Variants in MAPK10 observed in about 807,000 individuals in gnomAD.
The protein encoded by MAPK10 is JNK3 alpha protein kinase.
MAPK10 carries 25 observed loss-of-function variants against 59.3 expected under a neutral mutation model. The observed-to-expected ratio is 0.42, with a 90% CI of 0.31 to 0.59. The LOEUF is 0.59. Ranked by LOEUF, MAPK10 falls within the 20% of genes least tolerant of loss-of-function variation. MAPK10 has a pLI of 0.15. For synonymous variants in MAPK10, 190 were observed against 200.5 expected (o/e 0.95, Z 0.44); for missense variants, 351 against 568.9 (o/e 0.62, Z 3.90).
At chr4:86,521,735 A>G (rs541417450) in intron 1 of MAPK10, among the ~76,000 whole-genome samples, 1 of 152,200 alleles carries the variant, frequency 6.6e-6, no homozygotes, top group African/African-American at 2.4e-5. Flanking sequence ...CCACTGAGAA[A>G]GCACACAGGG....
intron 6 of MAPK10, 111 bp downstream of exon 6, chr4:86,103,075 C>CTGTGTGTGTGTGTGTGTGTG (rs10681488): frequency 1.1e-4 from 57 of 498,788 alleles, no homozygotes; most frequent in African/African-American, 2.5e-4. Context: ...GATTTCAACT[C>CTGTGTGTGTGTGTGTGTGTG]TGTGTGTGTG....
chr4:86,412,817 G>T (rs745531532), intron 1 of MAPK10, among the ~76,000 whole-genome samples: 1 of 152,062 alleles, frequency 6.6e-6, no homozygotes. Flanking sequence ...TTTCTTCAAG[G>T]TTTTTAGCTT....
At chr4:86,230,538 T>A (rs986385982) in intron 2 of MAPK10, among the ~76,000 whole-genome samples, 5 of 152,234 alleles carry the variant, frequency 3.3e-5, no homozygotes, top group African/African-American at 1.2e-4. Context: ...ACCATGAGGA[T>A]AAATTTCTGG....
At position 86,444,387 on chromosome 4, in the gene MAPK10, C is replaced by A. The variant is rs542549978; in HGVS notation, c.-122+8643G>T. On this transcript the variant is annotated intron_variant, in intron 1 of 13. Coordinates refer to the MAPK10 transcript ENST00000361569. ...ACATATTCAAAAAATTGAAACTGGA[C>A]CCCTTCCTTACACATTTTACAAAAA... 1.5e-4 allele frequency among the ~76,000 whole-genome samples: 23 copies of A among 152,186 alleles called. No individual in the cohort carries two copies. In the South Asian group the frequency reaches 4.1e-3, roughly 27 times the overall value.
chr4:86,401,829 G>C (rs1279805850), intron 1 of MAPK10, among the ~76,000 whole-genome samples: 2 of 152,146 alleles, frequency 1.3e-5, no homozygotes, highest in Non-Finnish European at 2.9e-5. Flanking sequence ...TTCCCAAAGA[G>C]AGAACCACTG....
intron 1 of MAPK10, among the ~76,000 whole-genome samples, chr4:86,529,727 A>G (rs1757726452): frequency 6.6e-6 from 1 of 152,088 alleles, no homozygotes; most frequent in African/African-American, 2.4e-5. Flanking sequence ...CAATTCCCTA[A>G]CTAGGGGCAT....
intron 2 of MAPK10, among the ~76,000 whole-genome samples, chr4:86,215,867 G>T (rs1002447827): frequency 6.6e-6 from 1 of 152,054 alleles, no homozygotes; most frequent in African/African-American, 2.4e-5. Flanking sequence ...ATCTCAAAAA[G>T]AAAAACTATT....
In MAPK10 at chr4:86,431,885, T is replaced by C. The variant is rs576512291; in HGVS notation, c.-122+21145A>G. ...GATCCGAGGGTGGAGTTTTCAGCCC[T>C]ATGATGTCAAAAGGTGAAGCAGAGG... On this transcript the variant is annotated intron_variant, in intron 1 of 13. Coordinates refer to the MAPK10 transcript ENST00000361569. Among the ~76,000 whole-genome samples the C allele has an allele frequency of 4.6e-5, 7 of 152,322 alleles. No homozygotes were observed. The South Asian group carries it at 1.5e-3, about 32-fold the overall frequency.
At chr4:86,129,052 A>G (rs948883597) in intron 4 of MAPK10, among the ~76,000 whole-genome samples, 9 of 152,132 alleles carry the variant, frequency 5.9e-5, no homozygotes, top group Non-Finnish European at 5.9e-5. Context: ...GTTAAATAAT[A>G]TTTATTTAGA....
intron 1 of MAPK10, among the ~76,000 whole-genome samples, chr4:86,476,797 C>G (rs567615996): frequency 6.6e-6 from 1 of 152,268 alleles, no homozygotes; most frequent in Admixed American, 6.5e-5. Flanking sequence ...CATACAAGAA[C>G]TCCAAACGCC....
At chr4:86,476,504 T>C (rs1373854871) in intron 1 of MAPK10, among the ~76,000 whole-genome samples, 3 of 152,170 alleles carry the variant, frequency 2.0e-5, no homozygotes, top group Non-Finnish European at 2.9e-5. Flanking sequence ...GCCCAGTTCA[T>C]GGCTCATTTG....
chr4:86,451,496 T>C (rs748543381), intron 1 of MAPK10, among the ~76,000 whole-genome samples: 55 of 152,204 alleles, frequency 3.6e-4, no homozygotes, highest in Non-Finnish European at 1.3e-4. Flanking sequence ...TCAAACAAAC[T>C]ACTTTAAGTT....
At chr4:86,425,797 C>A (rs1418593136) in intron 1 of MAPK10, among the ~76,000 whole-genome samples, 4 of 152,068 alleles carry the variant, frequency 2.6e-5, no homozygotes, top group Admixed American at 6.6e-5. Flanking sequence ...AAAAGGTGAC[C>A]CTGTCTCTAC....
At chr4:86,342,080 C>G (rs1448961739) in intron 2 of MAPK10, among the ~76,000 whole-genome samples, 1 of 152,096 alleles carries the variant, frequency 6.6e-6, no homozygotes, top group African/African-American at 2.4e-5. Flanking sequence ...CTGAAGAAAA[C>G]AGCCAAAATT....
intron 1 of MAPK10, among the ~76,000 whole-genome samples, chr4:86,517,718 G>A (rs150415746): frequency 6.6e-6 from 1 of 152,206 alleles, no homozygotes; most frequent in East Asian, 1.9e-4. Flanking sequence ...GTAATACTGG[G>A]TTCATAGAAT....
intron 2 of MAPK10, among the ~76,000 whole-genome samples, chr4:86,223,000 T>C (rs2089956541): frequency 6.6e-6 from 1 of 152,222 alleles, no homozygotes; most frequent in South Asian, 2.1e-4. Context: ...CTGAAAATTA[T>C]TTAGCAAGTC....
At chr4:86,322,806 T>A (rs1224978389) in intron 2 of MAPK10, among the ~76,000 whole-genome samples, 3 of 152,212 alleles carry the variant, frequency 2.0e-5, no homozygotes, top group Non-Finnish European at 4.4e-5. Flanking sequence ...TCGAAGTCAT[T>A]CCATATTTGA....
chr4:86,576,193 C>G (rs1761874989), intron 1 of MAPK10, among the ~76,000 whole-genome samples: 1 of 151,902 alleles, frequency 6.6e-6, no homozygotes, highest in Non-Finnish European at 1.5e-5. Flanking sequence ...TTCAAAGATC[C>G]AGAAAGAGCT....
chr4:86,481,953 T>C (rs546854646), intron 1 of MAPK10, among the ~76,000 whole-genome samples: 1 of 152,272 alleles, frequency 6.6e-6, no homozygotes, highest in East Asian at 1.9e-4. Context: ...ATTTTAGTAA[T>C]TCTAAAGGAA....
Sources: allele counts gnomAD v4.1 joint callset (sites outside exome capture counted in the v4.1 genomes callset), GRCh38; gene constraint gnomAD v4.1.1; transcripts MANE v1.5; gene names NCBI Gene and HGNC (gene_info 2026-07-23, HGNC 2026-07-21).